CIAO3: variants seen among roughly 807,000 people sequenced by gnomAD.
CIAO3 encodes the protein cytosolic iron-sulfur assembly component 3.
CIAO3 carries 45 observed loss-of-function variants against 51.5 expected under a neutral mutation model. That is an observed-to-expected ratio of 0.87 (90% CI 0.69 to 1.12). CIAO3 has a LOEUF of 1.12. CIAO3 is among the 50% of genes most tolerant of loss of function. CIAO3 has a pLI of 0.00. For missense variants in CIAO3, 668 were observed against 632.5 expected (o/e 1.06, Z -0.60); for synonymous variants, 314 against 269.3 (o/e 1.17, Z -1.63).
chr16:739,245 G>A, intron 2 of CIAO3: 1 of 196,700 alleles, frequency 5.1e-6, no homozygotes, highest in South Asian at 7.0e-5. Flanking sequence ...CTTGCAGTGA[G>A]CCGAGATCAT....
At position 734,870 on chromosome 16, in the gene CIAO3, C is replaced by A. The variant is rs895059356; in HGVS notation, c.441G>T (p.Gly147=). The A allele has an allele frequency of 2.6e-6, 4 of 1,550,296 alleles. No homozygotes were observed. The highest frequency in any genetic ancestry group is 2.7e-5 in the African/African-American group (2 of 73,488). The part of the protein sequence containing the change: ...RKLTSFFKKI[G]VHFVFDTAFS... ...AGGCGGTGTCGAAGACGAAGTGCAC[C>A]CCTGGAAGGTGAAGGTGGGTGCCTG... The change falls in exon 5 of 11, where the codon GGG becomes GGT. Residue 147 remains glycine (G), a splice_region_variant and synonymous_variant. Transcript: ENST00000251588.
At chr16:735,052 C>T (rs1328247154) in intron 4 of CIAO3, 181 bp from the exon 5 acceptor site, 1 of 800,744 alleles carries the variant, frequency 1.2e-6, no homozygotes, top group East Asian at 2.9e-5. Flanking sequence ...CCCAGCCCCA[C>T]TGTGGGGACC....
chr16:737,605 C>T lies in CIAO3; in HGVS notation c.163-276G>A, dbSNP rs1345620796. The T allele has an allele frequency of 7.1e-7, 1 of 1,416,276 alleles. No individual in the cohort carries two copies. The highest frequency in any genetic ancestry group is 9.3e-7 in the Non-Finnish European group (1 of 1,071,724). 87.7% of individuals were successfully genotyped at this position (1,416,276 alleles called of 1,614,324 possible). A position where few individuals can be genotyped will look rare whatever the true frequency, so the allele number is the denominator to read the frequency against. On this transcript the variant is annotated intron_variant, in intron 2 of 10. Transcript: ENST00000251588. The surrounding 1 kb of genome is among the most constrained non-coding windows in gnomAD (Gnocchi z 5.3). ...CACTGGTATCTCAGCAAAGCAGCAG[C>T]CACCCCACTCACCCATGGGGCCCTG...
At chr16:736,490 G>C in intron 3 of CIAO3, 92 bp from the exon 4 acceptor site, 1 of 1,519,438 alleles carries the variant, frequency 6.6e-7, no homozygotes, top group South Asian at 1.2e-5. Flanking sequence ...GTCAGCTGTG[G>C]AGAGGGCAGG....
chr16:740,156 C>T lies in CIAO3; in HGVS notation c.67-418G>A, dbSNP rs188568685. On this transcript the variant is annotated intron_variant, in intron 1 of 10. Coordinates refer to ENST00000251588, the MANE Select transcript of CIAO3 (RefSeq NM_022493.3). The stretch of plus-strand genomic sequence containing the variant: ...GCCCGGGAAACAAGTGGATTTCTCT[C>T]TCTTCTCCTTGAGAACCCTGGCAGC... The T allele has an allele frequency of 7.9e-6, 10 of 1,273,844 alleles. No individual in the cohort carries two copies. The African/African-American group carries it at 1.4e-4, about 17-fold the overall frequency. 78.9% of individuals were successfully genotyped at this position (1,273,844 alleles called of 1,614,324 possible). A position where few individuals can be genotyped will look rare whatever the true frequency, so the allele number is the denominator to read the frequency against.
chr16:734,183 C>A, intron 6 of CIAO3, 46 bp downstream of exon 6: 1 of 1,562,112 alleles, frequency 6.4e-7, no homozygotes, highest in Non-Finnish European at 8.8e-7. Context: ...AAAGTCACTT[C>A]TGGCCGCTCC....
Position 731,483 on chromosome 16 carries a change from G to A in CIAO3, c.1034+82C>T, listed in dbSNP as rs959135818. 3.5e-6 allele frequency: 5 copies of A among 1,439,052 alleles called. No homozygotes were observed. The Admixed American group carries it at 1.3e-4, about 36-fold the overall frequency. The allele number at this position is 1,439,052 out of a possible 1,614,324, so 89.1% of individuals were successfully genotyped here. A position where few individuals can be genotyped will look rare whatever the true frequency, so the allele number is the denominator to read the frequency against. The stretch of plus-strand genomic sequence containing the variant: ...CTCCACCCAGCCCACCTCTGTGGGA[G>A]GACCCCAGGGGAGGCAGCAGCCCGA... On this transcript the variant is annotated intron_variant, in intron 9 of 10. Transcript: ENST00000251588.
chr16:740,529 GC>G (rs2041380156), intron 1 of CIAO3: 1 of 316,902 alleles, frequency 3.2e-6, no homozygotes, highest in Admixed American at 4.8e-5. Flanking sequence ...AGAGGCCCCG[GC>G]CCGGGCCCCG....
At chr16:735,732 T>A (rs2041331015) in intron 4 of CIAO3, among the ~76,000 whole-genome samples, 1 of 152,194 alleles carries the variant, frequency 6.6e-6, no homozygotes, top group East Asian at 1.9e-4. Flanking sequence ...CACAGCTGGA[T>A]GACAGGCAGT....
intron 4 of CIAO3, chr16:735,103 G>A: frequency 2.0e-6 from 1 of 507,436 alleles, no homozygotes; most frequent in South Asian, 3.9e-5. Context: ...GTGAACCCAG[G>A]CCTTGGTTTC....
At chr16:733,126 A>G in intron 7 of CIAO3, 172 bp downstream of exon 7, 1 of 787,984 alleles carries the variant, frequency 1.3e-6, no homozygotes, top group Admixed American at 3.0e-5. Context: ...CCAGCTGCAA[A>G]TGGGCCCACC....
chr16:737,338 G>A lies in CIAO3; in HGVS notation c.163-9C>T, dbSNP rs751485972. On this transcript the variant is annotated splice_polypyrimidine_tract_variant and intron_variant, in intron 2 of 10. Coordinates refer to ENST00000251588, the MANE Select transcript of CIAO3 (RefSeq NM_022493.3). The surrounding 1 kb of genome is among the most constrained non-coding windows in gnomAD (Gnocchi z 5.3). ...CTCCGGGTCCCGCCGTCCTACAAGG[G>A]AGAAGAACCCGGTGCACAGGGGCCC... 1 of 1,612,812 alleles carries A rather than the reference G, an allele frequency of 6.2e-7. No individual in the cohort carries two copies. Among genetic ancestry groups the A allele is most frequent in the East Asian group, 2.2e-5 (1 of 44,880 alleles).
At chr16:738,269 G>C (rs563138871) in intron 2 of CIAO3, 39 of 987,262 alleles carry the variant, frequency 4.0e-5, no homozygotes, top group Middle Eastern at 1.0e-3. Flanking sequence ...GCTGGAAATC[G>C]TCTCTTGGTG....
At chr16:732,170 G>T in intron 8 of CIAO3, 131 bp downstream of exon 8, 1 of 961,988 alleles carries the variant, frequency 1.0e-6, no homozygotes, top group Non-Finnish European at 1.6e-6. Context: ...GAGCTACTGC[G>T]CCTGGCTATC....
At position 730,423 on chromosome 16, in the gene CIAO3, C is replaced by G. The variant is rs766584948; in HGVS notation, c.1425G>C (p.Arg475=). The G allele has an allele frequency of 4.4e-6, 7 of 1,601,398 alleles. No homozygotes were observed. In the South Asian group the frequency reaches 6.6e-5, roughly 15 times the overall value. ...AGTCCTGGTCCTGCAGCCCCTACCA[C>G]CGGATGCCCAGGCCAGTGCTGGCCT... The part of the protein sequence containing the change: ...VEKASTGLGI[R]W The change falls in exon 11 of 11, where the codon CGG becomes CGC. Residue 475 remains arginine, a synonymous_variant. Coordinates refer to ENST00000251588, the MANE Select transcript of CIAO3 (RefSeq NM_022493.3).
Position 739,751 on chromosome 16 carries a change from GAGACCCCAAATC to G in CIAO3, c.67-25_67-14del. 6.2e-7 allele frequency: 1 copy of G among 1,612,882 alleles called. No homozygotes were observed. The highest frequency in any genetic ancestry group is 8.5e-7 in the Non-Finnish European group (1 of 1,179,114). ...GCTTGATGCACTCCTAGAGCAGGAA[GAGACCCCAAATC>G]AGCCCCTGTGAGTGGGCGGAGGTTC... On this transcript the variant is annotated splice_polypyrimidine_tract_variant and intron_variant, in intron 1 of 10. Transcript: ENST00000251588.
intron 2 of CIAO3, 52 bp downstream of exon 2, chr16:739,591 G>A: frequency 1.3e-6 from 2 of 1,557,848 alleles, no homozygotes; most frequent in Non-Finnish European, 1.8e-6. Flanking sequence ...AGAGAAAAGT[G>A]TTTCGGATCA....
At chr16:735,960 T>C (rs1282996850) in intron 4 of CIAO3, among the ~76,000 whole-genome samples, 1 of 152,180 alleles carries the variant, frequency 6.6e-6, no homozygotes, top group East Asian at 1.9e-4. Flanking sequence ...GAAGCTGACC[T>C]TGGCTGAACC....
At chr16:731,950 G>A in intron 8 of CIAO3, 1 of 541,250 alleles carries the variant, frequency 1.8e-6, no homozygotes, top group South Asian at 2.7e-5. Flanking sequence ...CTCACTGCAA[G>A]CTCCGCCTCC....
Sources: gnomAD v4.1 joint callset for allele counts (sites outside exome capture counted in the v4.1 genomes callset) on GRCh38, gnomAD v4.1.1 for gene constraint, Gnocchi (gnomAD v3.1) non-coding constraint, MANE v1.5 for transcripts, NCBI Gene and HGNC (gene_info 2026-07-23, HGNC 2026-07-21) for gene names.